SLC2A13: variants seen among roughly 807,000 people sequenced by gnomAD.
SLC2A13 encodes proton myo-inositol cotransporter.
In SLC2A13, 32 loss-of-function variants were observed where a neutral mutation model predicts 64.4. The observed-to-expected ratio is 0.50, with a 90% CI of 0.37 to 0.67. The LOEUF is 0.67. Among genes scored for constraint, SLC2A13 ranks in the 30% least tolerant of loss-of-function variants. The pLI is 0.00. For synonymous variants in SLC2A13, 338 were observed against 327.1 expected (o/e 1.03, Z -0.36); for missense variants, 743 against 829.2 (o/e 0.90, Z 1.28).
chr12:39,847,748 G>A (rs1260165534), intron 6 of SLC2A13, among the ~76,000 whole-genome samples: 1 of 151,888 alleles, frequency 6.6e-6, no homozygotes, highest in Non-Finnish European at 1.5e-5. Flanking sequence ...GTTATTTTGG[G>A]TTCTTCTGTA....
At chr12:40,101,603 AAT>A (rs1197328316) in intron 1 of SLC2A13, among the ~76,000 whole-genome samples, 1 of 152,210 alleles carries the variant, frequency 6.6e-6, no homozygotes, top group Admixed American at 6.5e-5. Flanking sequence ...AGAGATGTTA[AAT>A]CTGATTACAT....
chr12:40,008,951 G>T (rs1240379185), intron 3 of SLC2A13, among the ~76,000 whole-genome samples: 1 of 152,198 alleles, frequency 6.6e-6, no homozygotes, highest in Admixed American at 6.5e-5. Context: ...AACAGAATGT[G>T]ACATTCCATA....
In SLC2A13 at chr12:40,105,813, C is replaced by A; in HGVS notation, c.-5G>T. 6.8e-7 allele frequency: 1 copy of A among 1,463,880 alleles called. No individual in the cohort carries two copies. Among genetic ancestry groups the A allele is most frequent in the Non-Finnish European group, 9.0e-7 (1 of 1,106,884 alleles). The allele number at this position is 1,463,880 out of a possible 1,614,324, so 90.7% of individuals were successfully genotyped here. Reference sequence around the variant, plus strand: ...CTCGCTTGCCTTGCGGGACATAGGGCAGGGGCCCGGGGCTGCCCGGGGGGA... The same window carrying A: ...CTCGCTTGCCTTGCGGGACATAGGGAAGGGGCCCGGGGCTGCCCGGGGGGA... On this transcript the variant is annotated 5_prime_UTR_variant, in exon 1 of 10. Transcript: ENST00000280871. This position sits in a 1 kb window ranked among gnomAD's most constrained non-coding sequence, Gnocchi z 4.2.
intron 4 of SLC2A13, among the ~76,000 whole-genome samples, chr12:39,877,743 C>A (rs560083197): frequency 1.3e-5 from 2 of 152,280 alleles, no homozygotes; most frequent in South Asian, 4.1e-4. Context: ...TGATGGGTTA[C>A]CACTATATTT....
At chr12:39,936,987 T>C (rs1423053641) in intron 4 of SLC2A13, among the ~76,000 whole-genome samples, 1 of 151,942 alleles carries the variant, frequency 6.6e-6, no homozygotes, top group Non-Finnish European at 1.5e-5. Context: ...CTGAGTAGAG[T>C]TGCAAGCCAA....
In SLC2A13 at chr12:39,878,355, T is replaced by C. The variant is rs1330885576; in HGVS notation, c.1035-6394A>G. 3.9e-5 allele frequency among the ~76,000 whole-genome samples: 6 copies of C among 152,316 alleles called. No homozygotes were observed. In the East Asian group the frequency reaches 1.2e-3, roughly 29 times the overall value. On this transcript the variant is annotated intron_variant, in intron 4 of 9. Coordinates refer to ENST00000280871, the MANE Select transcript of SLC2A13 (RefSeq NM_052885.4). ...AAGATCAAGAAAAATTTGGAACTTT[T>C]AAGAGACCGACTAAATGGTTGTGAC... is the stretch of plus-strand genomic sequence containing the variant.
intron 7 of SLC2A13, among the ~76,000 whole-genome samples, chr12:39,821,987 T>C (rs1397286856): frequency 4.0e-5 from 6 of 151,814 alleles, no homozygotes; most frequent in African/African-American, 4.8e-5. Context: ...GTTACATATG[T>C]ATACATGTGA....
chr12:40,044,384 T>C (rs1176355411), intron 2 of SLC2A13, among the ~76,000 whole-genome samples: 2 of 152,142 alleles, frequency 1.3e-5, no homozygotes, highest in African/African-American at 4.8e-5. Context: ...ATGTTCTAAA[T>C]TTGATTGTGG....
At chr12:39,969,599 T>C (rs183711347) in intron 3 of SLC2A13, among the ~76,000 whole-genome samples, 8,726 of 152,336 alleles carry the variant, frequency 0.057, 385 homozygotes, top group Middle Eastern at 0.14. Context: ...AAATGTCTTC[T>C]TTTGAGAAGT....
intron 4 of SLC2A13, among the ~76,000 whole-genome samples, chr12:39,886,417 CA>C (rs1300191548): frequency 6.6e-6 from 1 of 151,138 alleles, no homozygotes; most frequent in South Asian, 2.1e-4. Flanking sequence ...CAGCTGACAG[CA>C]AAAAAAATCT....
chr12:39,808,034 A>G (rs1294769841), intron 7 of SLC2A13, among the ~76,000 whole-genome samples: 1 of 152,180 alleles, frequency 6.6e-6, no homozygotes, highest in Non-Finnish European at 1.5e-5. Context: ...TAAGTCAATG[A>G]GTTTTGACAA....
At chr12:40,094,101 T>C (rs1307819609) in intron 1 of SLC2A13, among the ~76,000 whole-genome samples, 1 of 152,078 alleles carries the variant, frequency 6.6e-6, no homozygotes, top group African/African-American at 2.4e-5. Context: ...AATTAGGGCC[T>C]AGATTCAAAG....
intron 7 of SLC2A13, among the ~76,000 whole-genome samples, chr12:39,784,762 A>G (rs556374456): frequency 2.6e-4 from 39 of 152,336 alleles, no homozygotes; most frequent in African/African-American, 7.7e-4. Context: ...GCACAGCAAA[A>G]GAAACTACCA....
chr12:39,768,980 C>T (rs1220611161), intron 7 of SLC2A13, among the ~76,000 whole-genome samples: 3 of 152,084 alleles, frequency 2.0e-5, no homozygotes, highest in African/African-American at 7.2e-5. Context: ...CATTCTTCCT[C>T]TATTTTTGTC....
chr12:39,960,527 G>A (rs992833208), intron 3 of SLC2A13, among the ~76,000 whole-genome samples: 3 of 151,916 alleles, frequency 2.0e-5, no homozygotes, highest in Non-Finnish European at 4.4e-5. Flanking sequence ...TTACAGGCAC[G>A]CATGACCATG....
At chr12:40,063,950 A>G (rs1292926728) in intron 1 of SLC2A13, among the ~76,000 whole-genome samples, 3 of 152,170 alleles carry the variant, frequency 2.0e-5, no homozygotes, top group African/African-American at 7.2e-5. Flanking sequence ...CATTTAAAAT[A>G]TAAAATATAT....
intron 1 of SLC2A13, among the ~76,000 whole-genome samples, chr12:40,059,777 T>C (rs879564611): frequency 3.3e-5 from 5 of 152,124 alleles, no homozygotes; most frequent in Admixed American, 2.0e-4. Flanking sequence ...ACTAACAGAA[T>C]GAATGAGGAA....
intron 3 of SLC2A13, among the ~76,000 whole-genome samples, chr12:39,979,084 G>A (rs1363565017): frequency 6.6e-6 from 1 of 151,818 alleles, no homozygotes; most frequent in Non-Finnish European, 1.5e-5. Context: ...ACATGGCAGG[G>A]TATTCCAACA....
intron 7 of SLC2A13, among the ~76,000 whole-genome samples, chr12:39,805,776 G>A (rs367968154): frequency 1.3e-5 from 2 of 152,152 alleles, no homozygotes; most frequent in African/African-American, 4.8e-5. Flanking sequence ...ATCTGAGTGG[G>A]CAAGTCAGAG....
Sources: allele counts gnomAD v4.1 joint callset (sites outside exome capture counted in the v4.1 genomes callset), GRCh38; gene constraint gnomAD v4.1.1; non-coding constraint Gnocchi (gnomAD v3.1); transcripts MANE v1.5; gene names NCBI Gene and HGNC (gene_info 2026-07-23, HGNC 2026-07-21).